The following CYB561 variants were observed in gnomAD, a reference collection of about 807,000 sequenced individuals.
CYB561 encodes the protein cytochrome b561.
Under a neutral mutation model 25.3 loss-of-function variants are expected in CYB561, and 11 were observed. That is an observed-to-expected ratio of 0.44 (90% CI 0.27 to 0.72). The LOEUF (loss-of-function observed/expected upper bound fraction) is 0.72, where lower values mean the gene tolerates loss of function less well. Ranked by LOEUF, CYB561 falls within the 30% of genes least tolerant of loss-of-function variation. CYB561 has a pLI of 0.18. For missense variants in CYB561, 295 were observed against 334.9 expected, an observed-to-expected ratio of 0.88 and a Z score of 0.93; for synonymous variants, 165 against 158.8, an observed-to-expected ratio of 1.04 and a Z score of -0.29.
chr17:63,436,585 G>A lies in CYB561; in HGVS notation c.203-433C>T, dbSNP rs2049303347. On this transcript the variant is annotated intron_variant, in intron 2 of 5. Transcript: ENST00000360793. This position sits in a 1 kb window ranked among gnomAD's most constrained non-coding sequence, Gnocchi z 4.8. Reference sequence around the variant, plus strand: ...AGGCTGTGTTTGAGGTCCACTGTTGGTCACACTGAGGCAACAAGCAGCCTC... The same window carrying A: ...AGGCTGTGTTTGAGGTCCACTGTTGATCACACTGAGGCAACAAGCAGCCTC... The A allele has an allele frequency of 5.7e-6, 1 of 175,550 alleles. No homozygotes were observed. Among genetic ancestry groups the A allele is most frequent in the African/African-American group, 2.4e-5 (1 of 42,020 alleles). 10.9% of individuals were successfully genotyped at this position (175,550 alleles called of 1,614,324 possible). A position where few individuals can be genotyped will look rare whatever the true frequency, so the allele number is the denominator to read the frequency against.
chr17:63,437,702 G>C, intron 1 of CYB561, 142 bp from the exon 2 acceptor site: 1 of 576,428 alleles, frequency 1.7e-6, no homozygotes, highest in East Asian at 3.1e-5. Flanking sequence ...AGCCGCCCCC[G>C]GAGATAAGCA....
intron 1 of CYB561, chr17:63,440,811 T>G (rs1281402910): frequency 6.6e-6 from 1 of 152,332 alleles, no homozygotes; most frequent in Non-Finnish European, 1.5e-5. Context: ...ACCCCGAGTC[T>G]AACAGGAAAA....
intron 5 of CYB561, 64 bp from the exon 6 acceptor site, chr17:63,434,658 T>C: frequency 7.0e-7 from 1 of 1,425,300 alleles, no homozygotes; most frequent in Non-Finnish European, 9.5e-7. Flanking sequence ...ATGCCCTTTG[T>C]ATCCTGGGCC....
At chr17:63,435,974 G>A (rs1351604505) in intron 3 of CYB561, 80 bp downstream of exon 3, 3 of 1,609,496 alleles carry the variant, frequency 1.9e-6, no homozygotes, top group Non-Finnish European at 2.5e-6. Flanking sequence ...TCTGGGGAGG[G>A]AACAGAGCAG....
intron 1 of CYB561, chr17:63,438,046 G>C (rs1164988968): frequency 1.5e-6 from 2 of 1,305,728 alleles, no homozygotes; most frequent in East Asian, 1.1e-4. Flanking sequence ...CCCACCCATC[G>C]TCCTGAGGCA....
chr17:63,437,968 C>T (rs1331915271), intron 1 of CYB561: 11 of 690,960 alleles, frequency 1.6e-5, no homozygotes, highest in Non-Finnish European at 2.5e-5. Context: ...CCTCCCACGG[C>T]GGCCCCGCCA....
In CYB561 at chr17:63,433,308, G is replaced by A; in HGVS notation, c.*1094C>T. 1 of 398,426 alleles carries A rather than the reference G, an allele frequency of 2.5e-6. No homozygotes were observed. The highest frequency in any genetic ancestry group is 4.4e-6 in the Non-Finnish European group (1 of 226,118). 24.7% of individuals were successfully genotyped at this position (398,426 alleles called of 1,614,324 possible). ...AGTGTTCTAATCACACTATTTCCAG[G>A]CCGAAGCCAAATGGTGACTCAGCTA... On this transcript the variant is annotated 3_prime_UTR_variant, in exon 6 of 6. Transcript: ENST00000360793.
At chr17:63,435,423 G>C in intron 4 of CYB561, 180 bp from the exon 5 acceptor site, 1 of 702,422 alleles carries the variant, frequency 1.4e-6, no homozygotes, top group East Asian at 2.7e-5. Context: ...CAAGGGACCG[G>C]TCCCCCAACG....
intron 2 of CYB561, 37 bp downstream of exon 2, chr17:63,437,309 C>A (rs1244735913): frequency 2.5e-6 from 4 of 1,571,562 alleles, no homozygotes; most frequent in Admixed American, 1.7e-5. Flanking sequence ...GGGACCCCCA[C>A]AAGCCCGGGA....
rs1455079078 is a variant in CYB561 at position 63,436,321 on chromosome 17, C to T, written c.203-169G>A. On this transcript the variant is annotated intron_variant, in intron 2 of 5. Coordinates refer to ENST00000360793, the MANE Select transcript of CYB561 (RefSeq NM_001915.4). The surrounding 1 kb of genome is among the most constrained non-coding windows in gnomAD (Gnocchi z 4.8). ...AGCCAGGTTCCCTGGGGACCCTGGG[C>T]AGCTCCTGGCCTTCTCTGAGGGCAC... is the stretch of plus-strand genomic sequence containing the variant. 6.6e-6 allele frequency among the ~76,000 whole-genome samples: 1 copy of T among 152,096 alleles called. No individual in the cohort carries two copies. Among genetic ancestry groups the T allele is most frequent in the African/African-American group, 2.4e-5 (1 of 41,388 alleles).
intron 1 of CYB561, among the ~76,000 whole-genome samples, chr17:63,439,682 A>G (rs1013809298): frequency 6.6e-6 from 1 of 152,152 alleles, no homozygotes; most frequent in Non-Finnish European, 1.5e-5. Flanking sequence ...TTCCTAAAAC[A>G]CATATGCATC....
At chr17:63,434,989 A>G in intron 5 of CYB561, 97 bp downstream of exon 5, 1 of 1,309,488 alleles carries the variant, frequency 7.6e-7, no homozygotes, top group East Asian at 2.4e-5. Context: ...ACGCCACGAG[A>G]GGCGGCTCAG....
rs746786011 is a variant in CYB561, at chr17:63,435,228, T to A, written c.421A>T (p.Ser141Cys). The A allele has an allele frequency of 6.2e-7, 1 of 1,613,134 alleles. No homozygotes were observed. The highest frequency in any genetic ancestry group is 1.3e-5 in the African/African-American group (1 of 74,916). Residue 141 changes from serine (S) to cysteine (C), a missense_variant, in exon 5 of 6, where the codon AGC becomes TGC. Transcript: ENST00000360793. ...GAAGCTCCGGGGAACAGGAAGAAGC[T>A]GAAGCCCACCAGCCACTAGGATTTG... is the stretch of plus-strand genomic sequence containing the variant. ...LYFVQWLVGFSFFLFPGASFS... is the reference protein window; with the variant it reads ...LYFVQWLVGFCFFLFPGASFS...
Position 63,434,436 on chromosome 17 carries a change from G to C in CYB561, c.722C>G (p.Thr241Arg). The C allele has an allele frequency of 6.3e-7, 1 of 1,593,384 alleles. No individual in the cohort carries two copies. The highest frequency in any genetic ancestry group is 1.3e-5 in the African/African-American group (1 of 74,596). Residue 241 changes from threonine to arginine, a missense_variant, in exon 6 of 6, where the codon ACG becomes AGG. By Grantham distance (71) the Thr-to-Arg change is moderately conservative. Transcript: ENST00000360793. ...GCCGGGGCTATCTCCCTCCGTCAGC[G>C]TCTTGAAGTCCATGGAGAGGGCCTG... ...EEQALSMDFK[T>R]LTEGDSPGSQ
At position 63,433,502 on chromosome 17, in the gene CYB561, A is replaced by C. The variant is rs528433008; in HGVS notation, c.*900T>G. The C allele has an allele frequency of 2.5e-6, 1 of 398,232 alleles. No individual in the cohort carries two copies. The highest frequency in any genetic ancestry group is 3.6e-5 in the East Asian group (1 of 28,048). The allele number at this position is 398,232 out of a possible 1,614,324, so 24.7% of individuals were successfully genotyped here. On this transcript the variant is annotated 3_prime_UTR_variant, in exon 6 of 6. Coordinates refer to ENST00000360793, the MANE Select transcript of CYB561 (RefSeq NM_001915.4). Reference sequence around the variant, plus strand: ...AGCAGCCCCAGGGGGCTCTAGCCACAGCCAGCAGCAGCGGTTTTTCATTTA... The same window carrying C: ...AGCAGCCCCAGGGGGCTCTAGCCACCGCCAGCAGCAGCGGTTTTTCATTTA...
At chr17:63,442,526 G>A (rs1252983725) in intron 1 of CYB561, among the ~76,000 whole-genome samples, 1 of 152,092 alleles carries the variant, frequency 6.6e-6, no homozygotes, top group Non-Finnish European at 1.5e-5. Flanking sequence ...GGCTGTTCTT[G>A]GGCCCTCTGT....
In CYB561 at chr17:63,432,832, A is replaced by AGAG. The variant is rs980544742; in HGVS notation, c.*1567_*1569dup. On this transcript the variant is annotated 3_prime_UTR_variant, in exon 6 of 6. Transcript: ENST00000360793. ...GCCAACTATGGGAAATCTGAGCATT[A>AGAG]GAGGAGACTGGCCCCTTTCTCTAAG... The AGAG allele has an allele frequency of 6.6e-6, 1 of 152,288 alleles. No individual in the cohort carries two copies. Among genetic ancestry groups the AGAG allele is most frequent in the African/African-American group, 2.4e-5 (1 of 41,468 alleles). The allele number at this position is 152,288 out of a possible 1,614,324, so 9.4% of individuals were successfully genotyped here.
intron 1 of CYB561, among the ~76,000 whole-genome samples, chr17:63,443,236 C>A (rs1227099244): frequency 6.6e-6 from 1 of 152,178 alleles, no homozygotes; most frequent in Non-Finnish European, 1.5e-5. Flanking sequence ...CATGCCAGTC[C>A]TCCTGCATCC....
At position 63,434,415 on chromosome 17, in the gene CYB561, G is replaced by T; in HGVS notation, c.743C>A (p.Pro248His). The T allele has an allele frequency of 6.4e-7, 1 of 1,573,424 alleles. No homozygotes were observed. Among genetic ancestry groups the T allele is most frequent in the East Asian group, 2.4e-5 (1 of 42,470 alleles). Residue 248 changes from proline to histidine, a missense_variant, in exon 6 of 6, where the codon CCC (proline) becomes CAC (histidine). Transcript: ENST00000360793. ...DFKTLTEGDS[P>H]GSQ ...CGGCCGGGCGCATCACTGGGAGCCG[G>T]GGCTATCTCCCTCCGTCAGCGTCTT...
Sources: allele counts gnomAD v4.1 joint callset (sites outside exome capture counted in the v4.1 genomes callset), GRCh38; gene constraint gnomAD v4.1.1; non-coding constraint Gnocchi (gnomAD v3.1); transcripts MANE v1.5; gene names NCBI Gene and HGNC (gene_info 2026-07-23, HGNC 2026-07-21).